The following PLEKHH1 variants were observed in gnomAD, a reference collection of about 807,000 sequenced individuals.
PLEKHH1 encodes the protein pleckstrin homology, MyTH4 and FERM domain containing H1.
In PLEKHH1, 104 loss-of-function variants were observed where a neutral mutation model predicts 160.0. The observed-to-expected ratio is 0.65, with a 90% CI of 0.55 to 0.76. PLEKHH1 has a LOEUF of 0.76. Among genes scored for constraint, PLEKHH1 ranks in the 30% least tolerant of loss-of-function variants. The pLI, the probability that PLEKHH1 is intolerant of heterozygous loss-of-function variation, is 0.00. For missense variants in PLEKHH1, 1,427 were observed against 1,724.1 expected, an observed-to-expected ratio of 0.83 and a Z score of 3.05; for synonymous variants, 619 against 678.4, an observed-to-expected ratio of 0.91 and a Z score of 1.36.
At chr14:67,537,656 C>A (rs2033793254) in intron 1 of PLEKHH1, among the ~76,000 whole-genome samples, 1 of 152,038 alleles carries the variant, frequency 6.6e-6, no homozygotes, top group Non-Finnish European at 1.5e-5. Flanking sequence ...CAGAGTGAGA[C>A]CCTGTCTCAA....
chr14:67,568,871 GCA>G (rs1205972223), intron 7 of PLEKHH1, among the ~76,000 whole-genome samples: 1 of 152,100 alleles, frequency 6.6e-6, no homozygotes, highest in Non-Finnish European at 1.5e-5. Context: ...GAACTGTTGG[GCA>G]CTGATTATAT....
chr14:67,567,174 C>G (rs1010869177), intron 7 of PLEKHH1, among the ~76,000 whole-genome samples: 1 of 152,170 alleles, frequency 6.6e-6, no homozygotes, highest in Non-Finnish European at 1.5e-5. Context: ...TAAGAAATCA[C>G]AGTGGCCAGA....
chr14:67,537,094 A>T (rs1377843071), intron 1 of PLEKHH1, among the ~76,000 whole-genome samples: 1 of 148,838 alleles, frequency 6.7e-6, no homozygotes, highest in East Asian at 2.0e-4. Flanking sequence ...TAGTGGCTCA[A>T]CACACTTTAG....
Position 67,573,254 on chromosome 14 carries a change from T to C in PLEKHH1, c.1729-22T>C. On this transcript the variant is annotated intron_variant, in intron 11 of 28. Transcript: ENST00000329153. This position sits in a 1 kb window ranked among gnomAD's most constrained non-coding sequence, Gnocchi z 4.8. Reference sequence around the variant, plus strand: ...CCCTGAGTGATTTCCCCTTTCTTCATCTACACCCTTCCACCCCTCAGGAGT... The same window carrying C: ...CCCTGAGTGATTTCCCCTTTCTTCACCTACACCCTTCCACCCCTCAGGAGT... 6.7e-7 allele frequency: 1 copy of C among 1,489,126 alleles called. No individual in the cohort carries two copies. The allele number at this position is 1,489,126 out of a possible 1,614,324, so 92.2% of individuals were successfully genotyped here.
chr14:67,585,973 A>G lies in PLEKHH1; in HGVS notation c.3809A>G (p.Tyr1270Cys). Residue 1270 changes from tyrosine to cysteine, a missense_variant, in exon 28 of 29, where the codon TAC (tyrosine) becomes TGC (cysteine). Coordinates refer to ENST00000329153, the MANE Select transcript of PLEKHH1 (RefSeq NM_020715.3). ...CAGCAAGTGCACATCACTTACCCCT[A>G]CTCTTCAGTGACAACGTTTGGTGGC... Reference protein sequence around the residue: ...NTMQVHITYPYSSVTTFGGCR... With the variant: ...NTMQVHITYPCSSVTTFGGCR... The G allele has an allele frequency of 6.2e-7, 1 of 1,613,516 alleles. No individual in the cohort carries two copies. Among genetic ancestry groups the G allele is most frequent in the Non-Finnish European group, 8.5e-7 (1 of 1,179,708 alleles).
At chr14:67,552,121 G>T (rs1197196764) in intron 2 of PLEKHH1, among the ~76,000 whole-genome samples, 13 of 152,210 alleles carry the variant, frequency 8.5e-5, no homozygotes, top group Non-Finnish European at 2.9e-5. Flanking sequence ...GCTGCAGCCA[G>T]TTCTAGGGCA....
At chr14:67,586,846 A>C in intron 28 of PLEKHH1, 2 of 1,497,558 alleles carry the variant, frequency 1.3e-6, no homozygotes, top group Non-Finnish European at 1.8e-6. Context: ...TCCTTTTCTC[A>C]GAAGGGCACT....
At chr14:67,548,352 C>A (rs543885386) in intron 2 of PLEKHH1, among the ~76,000 whole-genome samples, 35 of 152,116 alleles carry the variant, frequency 2.3e-4, no homozygotes, top group Non-Finnish European at 4.9e-4. Flanking sequence ...CAAGGTTTTT[C>A]TTTACTCCCT....
chr14:67,580,492 G>A (rs1279886494), intron 22 of PLEKHH1, among the ~76,000 whole-genome samples: 2 of 152,244 alleles, frequency 1.3e-5, no homozygotes, highest in Admixed American at 1.3e-4. Flanking sequence ...ACAGGACAAA[G>A]GCTTCTATGG....
intron 9 of PLEKHH1, 120 bp from the exon 10 acceptor site, chr14:67,571,632 C>A: frequency 1.1e-6 from 1 of 933,676 alleles, no homozygotes. Flanking sequence ...GTTGTCTGTT[C>A]AGAGTCCCGG....
intron 1 of PLEKHH1, among the ~76,000 whole-genome samples, chr14:67,535,293 C>T (rs1284616161): frequency 6.7e-6 from 1 of 148,326 alleles, no homozygotes; most frequent in Admixed American, 6.7e-5. Context: ...CCCTTTTGTT[C>T]AATGTTCTAA....
intron 9 of PLEKHH1, chr14:67,571,528 G>A (rs1179557872): frequency 4.1e-6 from 2 of 481,986 alleles, no homozygotes; most frequent in Non-Finnish European, 7.5e-6. Flanking sequence ...CAGCTGCTTT[G>A]GGGACCACAG....
chr14:67,550,691 A>AT (rs1302966334), intron 2 of PLEKHH1, among the ~76,000 whole-genome samples: 1 of 152,300 alleles, frequency 6.6e-6, no homozygotes, highest in Admixed American at 6.5e-5. Flanking sequence ...AGATCTTTTG[A>AT]TTTTTTAAGA....
In PLEKHH1 at chr14:67,576,070, C is replaced by T; in HGVS notation, c.2352+65C>T. ...CTGTGATTCTGATCTTCCCTTCTCTCTTTCTCCTGAGCTTCCCAAAATTCA... is the reference window on the plus strand; with the variant it reads ...CTGTGATTCTGATCTTCCCTTCTCTTTTTCTCCTGAGCTTCCCAAAATTCA... On this transcript the variant is annotated intron_variant, in intron 16 of 28. Coordinates refer to ENST00000329153, the MANE Select transcript of PLEKHH1 (RefSeq NM_020715.3). The surrounding 1 kb of genome is among the most constrained non-coding windows in gnomAD (Gnocchi z 4.0). 1 of 1,308,200 alleles carries T rather than the reference C, an allele frequency of 7.6e-7. No homozygotes were observed. 81.0% of individuals were successfully genotyped at this position (1,308,200 alleles called of 1,614,324 possible). A position where few individuals can be genotyped will look rare whatever the true frequency, so the allele number is the denominator to read the frequency against.
chr14:67,546,540 G>A (rs1212328266), intron 2 of PLEKHH1, among the ~76,000 whole-genome samples: 3 of 152,020 alleles, frequency 2.0e-5, no homozygotes, highest in Non-Finnish European at 2.9e-5. Context: ...ACAGGCGCGC[G>A]CCACCACGCC....
In PLEKHH1 at chr14:67,565,204, G is replaced by C. The variant is rs532637125; in HGVS notation, c.1263+2310G>C. On this transcript the variant is annotated intron_variant, in intron 7 of 28. Transcript: ENST00000329153. Reference sequence around the variant, plus strand: ...CTGTTCCCCACAGACTTAGGTACTTGCCCAAGGTCATGTAGTAGTTAGTGA... The same window carrying C: ...CTGTTCCCCACAGACTTAGGTACTTCCCCAAGGTCATGTAGTAGTTAGTGA... Among the ~76,000 whole-genome samples, 424 of 152,102 alleles carry C rather than the reference G, an allele frequency of 2.8e-3. 1 individual carries two copies. The highest frequency in any genetic ancestry group is 3.1e-3 in the Non-Finnish European group (211 of 67,968).
Position 67,573,609 on chromosome 14 carries a change from A to C in PLEKHH1, c.1840-192A>C, listed in dbSNP as rs1250315889. On this transcript the variant is annotated intron_variant, in intron 12 of 28. Coordinates refer to ENST00000329153, the MANE Select transcript of PLEKHH1 (RefSeq NM_020715.3). This position sits in a 1 kb window ranked among gnomAD's most constrained non-coding sequence, Gnocchi z 4.8. ...ATGAAATAGGGAGGTTCTCAGAAGGACCCATGTTCCTGATTAAGGTTCCAT... is the reference window on the plus strand; with the variant it reads ...ATGAAATAGGGAGGTTCTCAGAAGGCCCCATGTTCCTGATTAAGGTTCCAT... Among the ~76,000 whole-genome samples, 1 of 152,194 alleles carries C rather than the reference A, an allele frequency of 6.6e-6. No homozygotes were observed. The highest frequency in any genetic ancestry group is 1.5e-5 in the Non-Finnish European group (1 of 68,034).
At chr14:67,551,050 C>T (rs1384814678) in intron 2 of PLEKHH1, among the ~76,000 whole-genome samples, 1 of 152,210 alleles carries the variant, frequency 6.6e-6, no homozygotes. Context: ...CAGCCCTACA[C>T]AGACCAAGTG....
In PLEKHH1 at chr14:67,582,583, C is replaced by A. The variant is rs1239169935; in HGVS notation, c.3426+373C>A. On this transcript the variant is annotated intron_variant, in intron 24 of 28. Coordinates refer to ENST00000329153, the MANE Select transcript of PLEKHH1 (RefSeq NM_020715.3). The surrounding 1 kb of genome is among the most constrained non-coding windows in gnomAD (Gnocchi z 5.0). ...CCTGTAATGTCAGCACTTTGCGAGGCCGAGGCGGGCAGATCACCTGAGGCC... is the reference window on the plus strand; with the variant it reads ...CCTGTAATGTCAGCACTTTGCGAGGACGAGGCGGGCAGATCACCTGAGGCC... Among the ~76,000 whole-genome samples, 1 of 152,136 alleles carries A rather than the reference C, an allele frequency of 6.6e-6. No homozygotes were observed. The highest frequency in any genetic ancestry group is 2.4e-5 in the African/African-American group (1 of 41,412).
Sources: gnomAD v4.1 joint callset for allele counts (sites outside exome capture counted in the v4.1 genomes callset) on GRCh38, gnomAD v4.1.1 for gene constraint, Gnocchi (gnomAD v3.1) non-coding constraint, MANE v1.5 for transcripts, NCBI Gene and HGNC (gene_info 2026-07-23, HGNC 2026-07-21) for gene names.